Variants in CLCN1 observed in about 807,000 individuals in gnomAD.
CLCN1 encodes the protein chloride voltage-gated channel 1.
Under a neutral mutation model 114.5 loss-of-function variants are expected in CLCN1, and 100 were observed. That is an observed-to-expected ratio of 0.87 (90% CI 0.74 to 1.03). The LOEUF is 1.03. Ranked by LOEUF, CLCN1 falls within the 50% of genes least tolerant of loss-of-function variation. The pLI is 0.00. For missense variants in CLCN1, 1,188 were observed against 1,250.0 expected (o/e 0.95, Z 0.75); for synonymous variants, 485 against 487.1 (o/e 1.00, Z 0.06).
Position 143,332,439 on chromosome 7 carries a change from T to C in CLCN1, c.1187T>C (p.Ile396Thr), listed in dbSNP as rs1245472901. 2.5e-6 allele frequency: 4 copies of C among 1,614,144 alleles called. No individual in the cohort carries two copies. Among genetic ancestry groups the C allele is most frequent in the Non-Finnish European group, 3.4e-6 (4 of 1,179,984 alleles). Residue 396 changes from isoleucine (I) to threonine (T), a missense_variant, in exon 11 of 23, where the codon ATT becomes ACT. Physicochemically the swap from Ile to Thr is moderately conservative, Grantham distance 89. Transcript: ENST00000343257. ...TTCAGCCGCCTGCTGTATCCTGGAATTGTTACCTTTGTCATTGCCTCATTC... is the reference window on the plus strand; with the variant it reads ...TTCAGCCGCCTGCTGTATCCTGGAACTGTTACCTTTGTCATTGCCTCATTC... ...LAKHRLLYPG[I>T]VTFVIASFTF...
chr7:143,345,822 G>A, intron 17 of CLCN1, 60 bp downstream of exon 17: 1 of 1,568,670 alleles, frequency 6.4e-7, no homozygotes, highest in Non-Finnish European at 8.7e-7. Context: ...GAAAAGCGTC[G>A]TCTGGGCTGG....
At position 143,321,798 on chromosome 7, in the gene CLCN1, G is replaced by A. The variant is rs754300978; in HGVS notation, c.646G>A (p.Val216Ile). The A allele has an allele frequency of 3.7e-6, 6 of 1,614,256 alleles. No individual in the cohort carries two copies. In the South Asian group the frequency reaches 6.6e-5, roughly 18 times the overall value. Reference sequence around the variant, plus strand: ...CACAATGAAAGCCTTTGTGGCCAAGGTTGTCGCCCTGACTGCGGGCCTGGG... The same window carrying A: ...CACAATGAAAGCCTTTGTGGCCAAGATTGTCGCCCTGACTGCGGGCCTGGG... ...YLTMKAFVAK[V>I]VALTAGLGSG... The change falls in exon 5 of 23, where the codon GTT becomes ATT. Residue 216 changes from valine to isoleucine, a missense_variant. Coordinates refer to ENST00000343257, the MANE Select transcript of CLCN1 (RefSeq NM_000083.3). The surrounding 1 kb of genome is among the most constrained non-coding windows in gnomAD (Gnocchi z 4.2).
At position 143,342,125 on chromosome 7, in the gene CLCN1, T is replaced by C. The variant is rs2116373445; in HGVS notation, c.1779T>C (p.Leu593=). ...QVKKLPYLPD[L]GWNQLSKYTI... ...AGAAGCTACCCTACTTGCCTGACCT[T>C]GGCTGGAACCAGCTCAGGTCAGGGG... The change falls in exon 15 of 23, where the codon CTT becomes CTC. Residue 593 remains leucine, a synonymous_variant. Transcript: ENST00000343257. 6 of 1,614,126 alleles carry C rather than the reference T, an allele frequency of 3.7e-6. No individual in the cohort carries two copies. Among genetic ancestry groups the C allele is most frequent in the Non-Finnish European group, 5.1e-6 (6 of 1,179,974 alleles).
At position 143,339,578 on chromosome 7, in the gene CLCN1, T is replaced by C. The variant is rs750834313; in HGVS notation, c.1539T>C (p.Asp513=). 2.5e-6 allele frequency: 4 copies of C among 1,613,852 alleles called. No individual in the cohort carries two copies. Among genetic ancestry groups the C allele is most frequent in the East Asian group, 2.2e-5 (1 of 44,882 alleles). ...AMLFPDGILF[D]DIIYKILPGG... The stretch of plus-strand genomic sequence containing the variant: ...TCTTTCCTGATGGTATTTTGTTTGA[T>C]GACATCATCTACAAGATCCTACCTG... Residue 513 remains aspartate (D), a synonymous_variant, in exon 14 of 23, where the codon GAT becomes GAC. Transcript: ENST00000343257. This position sits in a 1 kb window ranked among gnomAD's most constrained non-coding sequence, Gnocchi z 4.1.
chr7:143,345,458 C>A, intron 16 of CLCN1, 63 bp from the exon 17 acceptor site: 3 of 1,457,184 alleles, frequency 2.1e-6, no homozygotes, highest in African/African-American at 1.4e-5. Context: ...CTCAGGAGTG[C>A]GGAGCGCGGT....
In CLCN1 at chr7:143,321,118, G is replaced by A. The variant is rs796097057; in HGVS notation, c.434-247G>A. 4.9e-4 allele frequency among the ~76,000 whole-genome samples: 74 copies of A among 152,226 alleles called. No homozygotes were observed. Among genetic ancestry groups the A allele is most frequent in the African/African-American group, 1.7e-3 (72 of 41,558 alleles). ...GAAGCCCCTTGGTTCTGGGCACACC[G>A]GGTGGTTGGTCACACCCAGGCCTCC... On this transcript the variant is annotated intron_variant, in intron 3 of 22. Transcript: ENST00000343257. This position sits in a 1 kb window ranked among gnomAD's most constrained non-coding sequence, Gnocchi z 4.2.
In CLCN1 at chr7:143,331,085, G is replaced by A. The variant is rs1301812559; in HGVS notation, c.980-147G>A. The stretch of plus-strand genomic sequence containing the variant: ...AGTGGGAGAGTATATCCATGGAGGA[G>A]TGTGCGTAGAAAAAAGGAAAATACA... On this transcript the variant is annotated intron_variant, in intron 8 of 22. Coordinates refer to ENST00000343257, the MANE Select transcript of CLCN1 (RefSeq NM_000083.3). The A allele has an allele frequency of 1.5e-5, 15 of 1,032,214 alleles. No individual in the cohort carries two copies. In the Admixed American group the frequency reaches 2.5e-4, roughly 18 times the overall value. 63.9% of individuals were successfully genotyped at this position (1,032,214 alleles called of 1,614,324 possible).
chr7:143,337,270 T>G (rs1802929109), intron 12 of CLCN1, among the ~76,000 whole-genome samples: 2 of 152,248 alleles, frequency 1.3e-5, no homozygotes, highest in Non-Finnish European at 2.9e-5. Flanking sequence ...CTACATTTAC[T>G]GAGCACTGTG....
chr7:143,323,384 G>C lies in CLCN1; in HGVS notation c.772G>C (p.Glu258Gln). The C allele has an allele frequency of 6.2e-7, 1 of 1,610,316 alleles. No homozygotes were observed. The highest frequency in any genetic ancestry group is 8.5e-7 in the Non-Finnish European group (1 of 1,176,600). The change falls in exon 6 of 23, where the codon GAG becomes CAG. Residue 258 changes from glutamate to glutamine, a missense_variant and splice_region_variant. Physicochemically the swap from Glu to Gln is conservative, Grantham distance 29. Transcript: ENST00000343257. The part of the protein sequence containing the change: ...KFMSVFCGVY[E>Q]QPYYYSDILT... ...CATGTCTGTGTTCTGCGGGGTATAT[G>C]AGGTAAGGTTGAGACAGTGAAATGA...
intron 2 of CLCN1, 83 bp from the exon 3 acceptor site, chr7:143,320,581 C>A (rs1050341362): frequency 5.9e-5 from 67 of 1,143,142 alleles, no homozygotes; most frequent in Admixed American, 7.9e-5. Context: ...CTCTCTCTCT[C>A]TCTCTGTCTC....
chr7:143,323,851 G>A (rs41276051), intron 6 of CLCN1: 99,394 of 472,706 alleles, frequency 0.21, 10,945 homozygotes, highest in Middle Eastern at 0.3. Context: ...TCCTGGTGTC[G>A]GCCTGTGCAG....
intron 16 of CLCN1, among the ~76,000 whole-genome samples, chr7:143,343,718 T>TTC (rs1443461055): frequency 6.2e-5 from 8 of 129,184 alleles, no homozygotes; most frequent in South Asian, 2.5e-4. Flanking sequence ...TTCTTTCTCT[T>TTC]TCTTTCTTTC....
rs760793323 is a variant in CLCN1, at chr7:143,351,845, C to T, written c.2847C>T (p.Gly949=). The T allele has an allele frequency of 3.9e-5, 63 of 1,613,546 alleles. No individual in the cohort carries two copies. The highest frequency in any genetic ancestry group is 1.6e-4 in the Middle Eastern group (1 of 6,082). The part of the protein sequence containing the change: ...PLSLAPGKVE[G]ELEELELVES... Reference sequence around the variant, plus strand: ...CCCTGGCCCCAGGCAAGGTAGAGGGCGAGTTGGAGGAGCTGGAGCTGGTGG... The same window carrying T: ...CCCTGGCCCCAGGCAAGGTAGAGGGTGAGTTGGAGGAGCTGGAGCTGGTGG... The change falls in exon 23 of 23, where the codon GGC becomes GGT. Residue 949 remains glycine, a synonymous_variant. Transcript: ENST00000343257.
At chr7:143,338,832 T>C (rs1802997417) in intron 12 of CLCN1, among the ~76,000 whole-genome samples, 1 of 150,112 alleles carries the variant, frequency 6.7e-6, no homozygotes, top group African/African-American at 2.5e-5. Flanking sequence ...CCGGAGCGCC[T>C]TTTCAGAAAT....
chr7:143,319,880 TG>T lies in CLCN1; in HGVS notation c.301+9del. 1 of 1,613,718 alleles carries T rather than the reference TG, an allele frequency of 6.2e-7. No homozygotes were observed. On this transcript the variant is annotated splice_donor_region_variant and intron_variant, in intron 2 of 22. Coordinates refer to ENST00000343257, the MANE Select transcript of CLCN1 (RefSeq NM_000083.3). ...ATCACTATTCTAAATGTCAAGGTGA[TG>T]GGGACTGAGGAATAAAGAAATCTGG...
chr7:143,319,704 AT>A (rs773073006), intron 1 of CLCN1, 50 bp from the exon 2 acceptor site: 12 of 1,602,272 alleles, frequency 7.5e-6, no homozygotes, highest in South Asian at 1.1e-5. Flanking sequence ...TCTGTCTATT[AT>A]TTTTTTAGTC....
chr7:143,320,903 C>T (rs554017562), intron 3 of CLCN1, 108 bp downstream of exon 3: 15 of 1,330,704 alleles, frequency 1.1e-5, no homozygotes, highest in South Asian at 3.5e-5. Context: ...TTATGGGAAG[C>T]GAATATTGCG....
rs373731688 is a variant in CLCN1, at chr7:143,339,572, G to A, written c.1533G>A (p.Leu511=). ...IMAMLFPDGI[L]FDDIIYKILP... ...CCATGCTCTTTCCTGATGGTATTTT[G>A]TTTGATGACATCATCTACAAGATCC... The change falls in exon 14 of 23, where the codon TTG becomes TTA. Residue 511 remains leucine (L), a synonymous_variant. Transcript: ENST00000343257. This position sits in a 1 kb window ranked among gnomAD's most constrained non-coding sequence, Gnocchi z 4.1. 111 of 1,613,770 alleles carry A rather than the reference G, an allele frequency of 6.9e-5. No homozygotes were observed. Among genetic ancestry groups the A allele is most frequent in the Non-Finnish European group, 9.4e-5 (111 of 1,179,796 alleles).
At chr7:143,344,029 G>A (rs1022142048) in intron 16 of CLCN1, among the ~76,000 whole-genome samples, 4 of 151,950 alleles carry the variant, frequency 2.6e-5, no homozygotes, top group Admixed American at 6.6e-5. Context: ...TAGTAGAGAC[G>A]GGGTTTCACC....
Sources: gnomAD v4.1 joint callset for allele counts (sites outside exome capture counted in the v4.1 genomes callset) on GRCh38, gnomAD v4.1.1 for gene constraint, Gnocchi (gnomAD v3.1) non-coding constraint, MANE v1.5 for transcripts, NCBI Gene and HGNC (gene_info 2026-07-23, HGNC 2026-07-21) for gene names.